The following DNASE1L3 variants were observed in gnomAD, a reference collection of about 807,000 sequenced individuals.
The protein encoded by DNASE1L3 is deoxyribonuclease 1L3.
A neutral mutation model predicts 30.9 loss-of-function variants in DNASE1L3; 27 were observed. The observed-to-expected ratio is 0.87, with a 90% CI of 0.64 to 1.20. DNASE1L3 has a LOEUF of 1.20. DNASE1L3 is among the 50% of genes most tolerant of loss of function. The probability of loss-of-function intolerance (pLI) is 0.00; values close to 1 mark genes in which losing one functional copy is unlikely to be tolerated. For synonymous variants in DNASE1L3, 135 were observed against 138.0 expected (o/e 0.98, Z 0.15); for missense variants, 364 against 378.2 (o/e 0.96, Z 0.31).
At position 58,192,911 on chromosome 3, in the gene DNASE1L3, G is replaced by T; in HGVS notation, c.802-108C>A. ...ACCAGGGAGGGGAGAGGAAATGCCC[G>T]AAGTCACCCCACAGAACACTTACTG... is the stretch of plus-strand genomic sequence containing the variant. On this transcript the variant is annotated intron_variant, in intron 7 of 7. Transcript: ENST00000394549. This position sits in a 1 kb window ranked among gnomAD's most constrained non-coding sequence, Gnocchi z 4.8. 3 of 1,516,124 alleles carry T rather than the reference G, an allele frequency of 2.0e-6. No homozygotes were observed. The highest frequency in any genetic ancestry group is 1.8e-6 in the Non-Finnish European group (2 of 1,138,948). 93.9% of individuals were successfully genotyped at this position (1,516,124 alleles called of 1,614,324 possible). A position where few individuals can be genotyped will look rare whatever the true frequency, so the allele number is the denominator to read the frequency against.
intron 1 of DNASE1L3, 135 bp from the exon 2 acceptor site, chr3:58,208,441 G>A (rs540356256): frequency 4.8e-5 from 42 of 870,830 alleles, no homozygotes; most frequent in Middle Eastern, 2.5e-4. Context: ...CTAAATGAAG[G>A]ACTCCCTGAG....
chr3:58,196,610 G>A (rs1240154433), intron 6 of DNASE1L3, among the ~76,000 whole-genome samples: 2 of 150,950 alleles, frequency 1.3e-5, no homozygotes, highest in African/African-American at 2.4e-5. Context: ...GTGGCCTGGT[G>A]GCTCTCATGC....
At chr3:58,203,488 C>T (rs2097402071) in intron 4 of DNASE1L3, among the ~76,000 whole-genome samples, 1 of 152,176 alleles carries the variant, frequency 6.6e-6, no homozygotes, top group African/African-American at 2.4e-5. Context: ...CTCCATCGAG[C>T]ATTGCATAAC....
chr3:58,196,614 C>G (rs942318562), intron 6 of DNASE1L3, among the ~76,000 whole-genome samples: 3 of 150,218 alleles, frequency 2.0e-5, no homozygotes, highest in Non-Finnish European at 3.0e-5. Flanking sequence ...CCTGGTGGCT[C>G]TCATGCAGAT....
chr3:58,197,611 C>A lies in DNASE1L3; in HGVS notation c.704+210G>T, dbSNP rs549715086. 5.9e-5 allele frequency among the ~76,000 whole-genome samples: 9 copies of A among 152,214 alleles called. No homozygotes were observed. The highest frequency in any genetic ancestry group is 4.6e-4 in the Admixed American group (7 of 15,284). On this transcript the variant is annotated intron_variant, in intron 6 of 7. Transcript: ENST00000394549. This position sits in a 1 kb window ranked among gnomAD's most constrained non-coding sequence, Gnocchi z 5.3. ...GGGAGTATAGGTGTGTGCCACCATG[C>A]CTGGCTAATTTTTGTATTTTTTGTA...
At chr3:58,208,965 C>T (rs2097405804) in intron 1 of DNASE1L3, among the ~76,000 whole-genome samples, 1 of 152,152 alleles carries the variant, frequency 6.6e-6, no homozygotes, top group African/African-American at 2.4e-5. Flanking sequence ...CCCAGCCGGG[C>T]ACGGTGGCTT....
At chr3:58,210,258 AAG>A (rs1402535562) in intron 1 of DNASE1L3, among the ~76,000 whole-genome samples, 44 of 151,546 alleles carry the variant, frequency 2.9e-4, no homozygotes, top group African/African-American at 1.1e-3. Flanking sequence ...GAAAGAAAGA[AAG>A]AGAGAAAGAA....
At chr3:58,206,279 A>G (rs980178395) in intron 2 of DNASE1L3, among the ~76,000 whole-genome samples, 14 of 152,180 alleles carry the variant, frequency 9.2e-5, no homozygotes, top group African/African-American at 3.4e-4. Flanking sequence ...TCACAAAAAG[A>G]TCTAGGGCAT....
At chr3:58,193,654 G>A (rs2097395550) in intron 6 of DNASE1L3, among the ~76,000 whole-genome samples, 2 of 152,246 alleles carry the variant, frequency 1.3e-5, no homozygotes, top group African/African-American at 4.8e-5. Flanking sequence ...TGGACACCAG[G>A]ACACTGTCTC....
intron 6 of DNASE1L3, among the ~76,000 whole-genome samples, chr3:58,194,652 G>T (rs2097396127): frequency 7.7e-6 from 1 of 130,642 alleles, no homozygotes; most frequent in Non-Finnish European, 1.6e-5. Flanking sequence ...TTGAGACGGA[G>T]TCTCTCTGTG....
chr3:58,203,838 G>A (rs2097402258), intron 4 of DNASE1L3, among the ~76,000 whole-genome samples: 1 of 152,098 alleles, frequency 6.6e-6, no homozygotes, highest in Non-Finnish European at 1.5e-5. Flanking sequence ...AGCTCCTGAG[G>A]TGGTGGCCTG....
In DNASE1L3 at chr3:58,200,626, T is replaced by C. The variant is rs1237421380; in HGVS notation, c.546+371A>G. Among the ~76,000 whole-genome samples the C allele has an allele frequency of 1.3e-5, 2 of 152,226 alleles. No individual in the cohort carries two copies. Among genetic ancestry groups the C allele is most frequent in the African/African-American group, 4.8e-5 (2 of 41,462 alleles). On this transcript the variant is annotated intron_variant, in intron 5 of 7. Transcript: ENST00000394549. The surrounding 1 kb of genome is among the most constrained non-coding windows in gnomAD (Gnocchi z 4.2). ...AAACAATCCTGACTGCTCTATGCCT[T>C]ACACTTCTCAATTGCAAAGTGGGAA... is the stretch of plus-strand genomic sequence containing the variant.
At chr3:58,204,926 T>A in intron 3 of DNASE1L3, 45 bp from the exon 4 acceptor site, 1 of 1,571,714 alleles carries the variant, frequency 6.4e-7, no homozygotes, top group Non-Finnish European at 8.7e-7. Flanking sequence ...TCAGCCCTTT[T>A]CTTACTACTT....
At chr3:58,203,671 A>G (rs569461066) in intron 4 of DNASE1L3, among the ~76,000 whole-genome samples, 2 of 152,254 alleles carry the variant, frequency 1.3e-5, no homozygotes, top group Admixed American at 1.3e-4. Flanking sequence ...GTGGTGGTGC[A>G]TGCCTATAGT....
chr3:58,206,607 C>G (rs755266649), intron 2 of DNASE1L3, among the ~76,000 whole-genome samples: 1 of 152,098 alleles, frequency 6.6e-6, no homozygotes, highest in Non-Finnish European at 1.5e-5. Context: ...GCTTGGAGTC[C>G]GCGACAGTCT....
intron 1 of DNASE1L3, among the ~76,000 whole-genome samples, chr3:58,210,244 A>AAAAGAAAGAAAGAAAGAAAGAGAG (rs71625612): frequency 5.9e-5 from 6 of 101,902 alleles, no homozygotes; most frequent in African/African-American, 3.3e-4. Flanking sequence ...GGAAGAAAGA[A>AAAAGAAAGAAAGAAAGAAAGAGAG]AAAGAAAGAA....
chr3:58,196,780 G>C (rs2097397718), intron 6 of DNASE1L3, among the ~76,000 whole-genome samples: 1 of 152,106 alleles, frequency 6.6e-6, no homozygotes, highest in Non-Finnish European at 1.5e-5. Context: ...CCCCATTGAA[G>C]GAGCAAAGAT....
At chr3:58,204,573 G>T (rs544236947) in intron 4 of DNASE1L3, among the ~76,000 whole-genome samples, 196 bp downstream of exon 4, 3 of 152,202 alleles carry the variant, frequency 2.0e-5, no homozygotes, top group Non-Finnish European at 4.4e-5. Flanking sequence ...CTGGGCTGGG[G>T]AAGTCTTGAG....
At chr3:58,194,368 T>C (rs532945970) in intron 6 of DNASE1L3, among the ~76,000 whole-genome samples, 1 of 145,198 alleles carries the variant, frequency 6.9e-6, no homozygotes, top group Non-Finnish European at 1.5e-5. Flanking sequence ...TCACCCAGGT[T>C]GGAGTGCAGT....
Sources: gnomAD v4.1 joint callset for allele counts (sites outside exome capture counted in the v4.1 genomes callset) on GRCh38, gnomAD v4.1.1 for gene constraint, Gnocchi (gnomAD v3.1) non-coding constraint, MANE v1.5 for transcripts, NCBI Gene and HGNC (gene_info 2026-07-23, HGNC 2026-07-21) for gene names.